CRYL1: variants seen among roughly 807,000 people sequenced by gnomAD.
CRYL1 encodes crystallin lambda 1.
In CRYL1, 29 loss-of-function variants were observed where a neutral mutation model predicts 36.6. The ratio of observed to expected loss-of-function variants is 0.79; its 90% CI spans 0.59 to 1.08. The LOEUF (loss-of-function observed/expected upper bound fraction) is 1.08. Among genes scored for constraint, CRYL1 ranks in the 50% least tolerant of loss-of-function variants. The pLI is 0.00. For synonymous variants in CRYL1, 152 were observed against 151.5 expected, an observed-to-expected ratio of 1.00 and a Z score of -0.02; for missense variants, 411 against 407.9, an observed-to-expected ratio of 1.01 and a Z score of -0.06.
chr13:20,439,530 AG>A (rs67447038), intron 4 of CRYL1, 62 bp downstream of exon 4: 47,166 of 724,800 alleles, frequency 0.065, 310 homozygotes, highest in East Asian at 0.08. Flanking sequence ...AAAAAAAAAA[AG>A]AAAAAAAAAA....
intron 3 of CRYL1, among the ~76,000 whole-genome samples, chr13:20,488,273 G>A (rs1425509926): frequency 2.6e-5 from 4 of 152,256 alleles, no homozygotes; most frequent in African/African-American, 7.2e-5. Flanking sequence ...GGTAGAAACA[G>A]GTGGCACTGG....
At chr13:20,419,966 T>C (rs1311133214) in intron 5 of CRYL1, among the ~76,000 whole-genome samples, 1 of 152,124 alleles carries the variant, frequency 6.6e-6, no homozygotes, top group Non-Finnish European at 1.5e-5. Flanking sequence ...AGATGAGACT[T>C]TAATAAGTCG....
At chr13:20,519,746 G>C in intron 1 of CRYL1, among the ~76,000 whole-genome samples, 1 of 152,118 alleles carries the variant, frequency 6.6e-6, no homozygotes, top group East Asian at 1.9e-4. Flanking sequence ...ACAATCTATA[G>C]ATTGAAAGAG....
chr13:20,469,474 G>A (rs4065486), intron 3 of CRYL1, among the ~76,000 whole-genome samples: 21,149 of 152,178 alleles, frequency 0.14, 2,696 homozygotes, highest in African/African-American at 0.33. Flanking sequence ...GATGCTTTCA[G>A]CTACGTGCAA....
chr13:20,509,467 G>C (rs1333198909), intron 2 of CRYL1, among the ~76,000 whole-genome samples: 1 of 152,108 alleles, frequency 6.6e-6, no homozygotes, highest in Non-Finnish European at 1.5e-5. Flanking sequence ...TAGTTTTTAT[G>C]CACAGAGAGT....
intron 3 of CRYL1, among the ~76,000 whole-genome samples, chr13:20,478,363 G>A (rs1294287818): frequency 6.6e-6 from 1 of 152,140 alleles, no homozygotes; most frequent in Non-Finnish European, 1.5e-5. Flanking sequence ...GGGACAATTT[G>A]GTTTCCATCT....
chr13:20,423,651 A>G (rs2031868206), intron 5 of CRYL1, among the ~76,000 whole-genome samples: 1 of 149,978 alleles, frequency 6.7e-6, no homozygotes, highest in Non-Finnish European at 1.5e-5. Context: ...TTAATGTGCT[A>G]TTGAATCCAG....
intron 3 of CRYL1, among the ~76,000 whole-genome samples, chr13:20,442,294 C>T (rs1225814385): frequency 3.3e-5 from 5 of 152,180 alleles, no homozygotes; most frequent in African/African-American, 9.7e-5. Context: ...TTTAATGGCA[C>T]ATTTGCTTGA....
chr13:20,514,702 T>C (rs563981428), intron 1 of CRYL1, among the ~76,000 whole-genome samples: 3 of 152,322 alleles, frequency 2.0e-5, no homozygotes, highest in African/African-American at 7.2e-5. Flanking sequence ...TATTGGTTCA[T>C]TAATTGTTAC....
chr13:20,460,552 G>A (rs1215679717), intron 3 of CRYL1, among the ~76,000 whole-genome samples: 5 of 110,712 alleles, frequency 4.5e-5, no homozygotes, highest in Non-Finnish European at 8.3e-5. Context: ...TTGAGACGGA[G>A]TCTCGCTCTG....
At chr13:20,432,385 T>A in intron 4 of CRYL1, 89 bp from the exon 5 acceptor site, 1 of 872,066 alleles carries the variant, frequency 1.1e-6, no homozygotes, top group Non-Finnish European at 1.8e-6. Flanking sequence ...GAGCAGCAGA[T>A]GCATCTTTGG....
At chr13:20,404,873 C>A (rs1263839109) in intron 6 of CRYL1, 132 bp from the exon 7 acceptor site, 2 of 671,494 alleles carry the variant, frequency 3.0e-6, no homozygotes, top group Non-Finnish European at 5.2e-6. Flanking sequence ...CCTGTGAAGA[C>A]AAGACAGAGC....
intron 3 of CRYL1, among the ~76,000 whole-genome samples, chr13:20,475,646 T>C (rs937064444): frequency 1.3e-5 from 2 of 152,108 alleles, no homozygotes; most frequent in Non-Finnish European, 2.9e-5. Context: ...TCCCATTAGC[T>C]GCGGGTCATA....
Position 20,480,983 on chromosome 13 carries a change from CA to C in CRYL1, c.276+8386del, listed in dbSNP as rs548873555. Among the ~76,000 whole-genome samples, 52 of 150,486 alleles carry C rather than the reference CA, an allele frequency of 3.5e-4. No individual in the cohort carries two copies. The South Asian group carries it at 8.4e-3, about 24-fold the overall frequency. On this transcript the variant is annotated intron_variant, in intron 3 of 7. Coordinates refer to ENST00000298248, the MANE Select transcript of CRYL1 (RefSeq NM_015974.3). ...TATATCTTTGAAGCTATACATACTACAAAAAAAAAGCCAAGCAAATAAATAA... is the reference window on the plus strand; with the variant it reads ...TATATCTTTGAAGCTATACATACTACAAAAAAAAGCCAAGCAAATAAATAA...
In CRYL1 at chr13:20,404,716, G is replaced by GT; in HGVS notation, c.764dup (p.Tyr255Ter). The stretch of plus-strand genomic sequence containing the variant: ...GTAGGACATGTTTTATGCCTTCGCT[G>GT]TATCTGTCGCAGTAGCTTAACATAC... ...AEGMLSYCDR[Y>*]SEGIKHVLQT... Residue 255 changes from tyrosine (Y) to a stop codon, truncating the protein, a stop_gained and frameshift_variant, in exon 7 of 8, where the codon TAC (tyrosine) becomes TAAC (stop). Transcript: ENST00000298248. LOFTEE classifies it high-confidence loss of function. 6.2e-7 allele frequency: 1 copy of GT among 1,613,270 alleles called. No homozygotes were observed. Among genetic ancestry groups the GT allele is most frequent in the Non-Finnish European group, 8.5e-7 (1 of 1,179,240 alleles).
intron 4 of CRYL1, among the ~76,000 whole-genome samples, chr13:20,436,685 C>T (rs983392666): frequency 6.6e-6 from 1 of 152,198 alleles, no homozygotes; most frequent in Non-Finnish European, 1.5e-5. Context: ...CCTTTCCCCA[C>T]TCACTGAGGG....
intron 1 of CRYL1, among the ~76,000 whole-genome samples, chr13:20,522,353 A>G (rs1017374351): frequency 8.6e-5 from 13 of 150,764 alleles, no homozygotes; most frequent in African/African-American, 3.2e-4. Context: ...ATCCGTCTCA[A>G]AAAAAAAAAG....
intron 3 of CRYL1, among the ~76,000 whole-genome samples, chr13:20,448,648 T>C (rs981270070): frequency 3.3e-5 from 5 of 152,118 alleles, no homozygotes; most frequent in African/African-American, 1.2e-4. Context: ...TAGAAGACAA[T>C]GCAATGACAT....
chr13:20,432,841 G>T (rs1331820472), intron 4 of CRYL1, among the ~76,000 whole-genome samples: 1 of 152,086 alleles, frequency 6.6e-6, no homozygotes, highest in Middle Eastern at 3.2e-3. Flanking sequence ...AACACAGCGA[G>T]ACCCTGTTTC....
Sources: gnomAD v4.1 joint callset for allele counts (sites outside exome capture counted in the v4.1 genomes callset) on GRCh38, gnomAD v4.1.1 for gene constraint, MANE v1.5 for transcripts, NCBI Gene and HGNC (gene_info 2026-07-23, HGNC 2026-07-21) for gene names.